JPH3: variants seen among roughly 807,000 people sequenced by gnomAD.
The protein encoded by JPH3 is junctophilin 3.
JPH3 carries 11 observed loss-of-function variants against 59.6 expected under a neutral mutation model. That is an observed-to-expected ratio of 0.18 (90% CI 0.12 to 0.31). JPH3 has a LOEUF of 0.31. Among genes scored for constraint, JPH3 ranks in the 10% least tolerant of loss-of-function variants. JPH3 has a pLI of 1.00. For missense variants in JPH3, 1,202 were observed against 1,105.7 expected, an observed-to-expected ratio of 1.09 and a Z score of -1.24; for synonymous variants, 673 against 483.6, an observed-to-expected ratio of 1.39 and a Z score of -5.14.
intron 2 of JPH3, among the ~76,000 whole-genome samples, chr16:87,667,060 G>A (rs531963314): frequency 2.5e-4 from 38 of 152,330 alleles, no homozygotes; most frequent in Non-Finnish European, 4.0e-4. Context: ...TGGCAGGGCC[G>A]TGCCCCCTCT....
chr16:87,655,756 G>A (rs940234338), intron 2 of JPH3, among the ~76,000 whole-genome samples: 3 of 152,252 alleles, frequency 2.0e-5, no homozygotes, highest in South Asian at 2.1e-4. Flanking sequence ...ACCAGCCCAC[G>A]TCTCGGCCCC....
intron 2 of JPH3, among the ~76,000 whole-genome samples, chr16:87,658,372 C>A (rs1214586030): frequency 5.3e-5 from 8 of 151,656 alleles, no homozygotes; most frequent in Admixed American, 2.0e-4. Flanking sequence ...GCTTCTCCCC[C>A]TCTCTTTTTC....
At chr16:87,653,212 T>G (rs1275544228) in intron 2 of JPH3, among the ~76,000 whole-genome samples, 1 of 152,150 alleles carries the variant, frequency 6.6e-6, no homozygotes, top group Non-Finnish European at 1.5e-5. Flanking sequence ...TGGGGGTGTG[T>G]AAAACCCAGG....
chr16:87,621,654 G>C (rs1279171174), intron 1 of JPH3, among the ~76,000 whole-genome samples: 1 of 152,228 alleles, frequency 6.6e-6, no homozygotes, highest in African/African-American at 2.4e-5. Flanking sequence ...CCCCCGGAAG[G>C]CTCCGGTTGA....
chr16:87,667,499 G>C (rs1050051896), intron 2 of JPH3, among the ~76,000 whole-genome samples: 1 of 152,198 alleles, frequency 6.6e-6, no homozygotes, highest in African/African-American at 2.4e-5. Flanking sequence ...CCCACCCTAA[G>C]CTGAAGTCGG....
rs532557952 is a variant in JPH3, at chr16:87,662,885, C to T, written c.1160+17850C>T. 3.3e-5 allele frequency among the ~76,000 whole-genome samples: 5 copies of T among 152,340 alleles called. No individual in the cohort carries two copies. The East Asian group carries it at 9.6e-4, about 29-fold the overall frequency. On this transcript the variant is annotated intron_variant, in intron 2 of 4. Transcript: ENST00000284262. ...TGAAACCTTTCAGGCCTTCCACTGC[C>T]TGCAGGGAAAAGCACCGGCTCCTTT...
intron 1 of JPH3, among the ~76,000 whole-genome samples, chr16:87,630,452 C>T (rs59840101): frequency 1.3e-5 from 2 of 152,106 alleles, no homozygotes; most frequent in Non-Finnish European, 2.9e-5. Context: ...CCAGTCCTCC[C>T]TGGGGAGCAG....
chr16:87,689,830 C>T lies in JPH3; in HGVS notation c.1470C>T (p.Pro490=), dbSNP rs570354220. 213 of 1,547,730 alleles carry T rather than the reference C, an allele frequency of 1.4e-4. No homozygotes were observed. In the African/African-American group the frequency reaches 2.8e-3, roughly 20 times the overall value. ...FPTSPAATPP[P]APAARNKVAH... ...CCAGCCCCGCGGCCACCCCGCCGCC[C>T]GCGCCCGCCGCCAGGAACAAGGTCG... The change falls in exon 4 of 5, where the codon CCC becomes CCT. Residue 490 remains proline (P), a synonymous_variant. Coordinates refer to ENST00000284262, the MANE Select transcript of JPH3 (RefSeq NM_020655.4).
At chr16:87,683,238 T>C (rs2033338291) in intron 2 of JPH3, among the ~76,000 whole-genome samples, 1 of 151,916 alleles carries the variant, frequency 6.6e-6, no homozygotes, top group Non-Finnish European at 1.5e-5. Context: ...ACCGCCGGGG[T>C]GGGTTGTCTG....
chr16:87,664,148 G>A (rs368560970), intron 2 of JPH3, among the ~76,000 whole-genome samples: 24 of 152,108 alleles, frequency 1.6e-4, no homozygotes, highest in African/African-American at 5.3e-4. Flanking sequence ...TGGCTAACAC[G>A]GTGAAACCTC....
chr16:87,640,311 G>T (rs1414953168), intron 1 of JPH3, among the ~76,000 whole-genome samples: 1 of 146,074 alleles, frequency 6.8e-6, no homozygotes, highest in Non-Finnish European at 1.5e-5. Flanking sequence ...CCTGGCGACA[G>T]AGCAAGACTC....
chr16:87,687,841 G>A (rs557206360), intron 3 of JPH3, among the ~76,000 whole-genome samples: 2 of 152,156 alleles, frequency 1.3e-5, no homozygotes, highest in South Asian at 2.1e-4. Context: ...AGGCCGGGGC[G>A]CCATCGGGGG....
At chr16:87,678,478 G>A (rs2033205563) in intron 2 of JPH3, among the ~76,000 whole-genome samples, 1 of 152,120 alleles carries the variant, frequency 6.6e-6, no homozygotes, top group South Asian at 2.1e-4. Context: ...GAAAGAGGTT[G>A]CAGTGAGCCG....
chr16:87,676,567 C>G (rs545699429), intron 2 of JPH3, among the ~76,000 whole-genome samples: 3 of 151,978 alleles, frequency 2.0e-5, no homozygotes, highest in Non-Finnish European at 4.4e-5. Context: ...AACCCCGTCT[C>G]TCCTAAAAAT....
chr16:87,666,389 TA>T (rs1464781542), intron 2 of JPH3, among the ~76,000 whole-genome samples: 10 of 127,552 alleles, frequency 7.8e-5, no homozygotes, highest in African/African-American at 2.7e-4. Flanking sequence ...GCGCCTGGCC[TA>T]TTTTTTTTTT....
chr16:87,617,008 T>A (rs1244193071), intron 1 of JPH3, among the ~76,000 whole-genome samples: 1 of 152,196 alleles, frequency 6.6e-6, no homozygotes, highest in Admixed American at 6.5e-5. Flanking sequence ...GTGGGTCACC[T>A]GAGGTCAGGA....
At chr16:87,643,239 G>A (rs984926454) in intron 1 of JPH3, among the ~76,000 whole-genome samples, 1 of 152,212 alleles carries the variant, frequency 6.6e-6, no homozygotes, top group Admixed American at 6.5e-5. Flanking sequence ...TTTCAAGGCT[G>A]AATGATGTTC....
chr16:87,690,166 G>A lies in JPH3; in HGVS notation c.1806G>A (p.Glu602=). The change falls in exon 4 of 5, where the codon GAG becomes GAA. Residue 602 remains glutamate (E), a synonymous_variant. Transcript: ENST00000284262. ...GCCCCGGAGGCTCCAGGCTGCTGGA[G>A]CTGCAGGAGGAGAAGCTGAGCAACT... ...NHSPGGSRLL[E]LQEEKLSNYR... 6.3e-7 allele frequency: 1 copy of A among 1,599,234 alleles called. No individual in the cohort carries two copies. Among genetic ancestry groups the A allele is most frequent in the Non-Finnish European group, 8.5e-7 (1 of 1,173,330 alleles).
intron 2 of JPH3, among the ~76,000 whole-genome samples, chr16:87,679,809 C>A (rs1223756043): frequency 3.3e-5 from 5 of 152,248 alleles, no homozygotes; most frequent in Non-Finnish European, 5.9e-5. Flanking sequence ...TGGCCAGGGG[C>A]CCCCTCAGCA....
Sources: allele counts gnomAD v4.1 joint callset (sites outside exome capture counted in the v4.1 genomes callset), GRCh38; gene constraint gnomAD v4.1.1; transcripts MANE v1.5; gene names NCBI Gene and HGNC (gene_info 2026-07-23, HGNC 2026-07-21).